The following RNF14 variants were observed in gnomAD, a reference collection of about 807,000 sequenced individuals.
RNF14 encodes E3 ubiquitin-protein ligase RNF14.
A neutral mutation model predicts 52.6 loss-of-function variants in RNF14; 26 were observed. The ratio of observed to expected loss-of-function variants is 0.49; its 90% CI spans 0.36 to 0.69. RNF14 has a LOEUF of 0.69. RNF14 is among the 30% of genes least tolerant of loss of function. The probability of loss-of-function intolerance (pLI) is 0.00; values close to 1 mark genes in which losing one functional copy is unlikely to be tolerated. For missense variants in RNF14, 404 were observed against 560.4 expected (o/e 0.72, Z 2.82); for synonymous variants, 194 against 202.0 (o/e 0.96, Z 0.34).
upstream of RNF14, chr5:141,955,893 C>G (rs951387602): frequency 1.9e-6 from 3 of 1,614,036 alleles, no homozygotes; most frequent in Non-Finnish European, 8.5e-7. The surrounding 1 kb of genome is among the most constrained non-coding windows in gnomAD (Gnocchi z 5.5). Flanking sequence ...ACAGCTGCCC[C>G]GTATGAGGGT....
At chr5:141,964,613 A>T (rs1265703908), upstream of RNF14, among the ~76,000 whole-genome samples, 3 of 151,582 alleles carry the variant, frequency 2.0e-5, no homozygotes, top group South Asian at 2.1e-4. Flanking sequence ...CTATTTTTTT[A>T]AATTTTGTTT....
In RNF14 at chr5:141,987,909, A is replaced by G. The variant is rs1596720759; in HGVS notation, c.*119A>G. ...CATTCACTCTTCCTGCGTAGAAGAT[A>G]TGGAAGAACGAGGTTTATATTTTCA... On this transcript the variant is annotated 3_prime_UTR_variant, in exon 9 of 9. Transcript: ENST00000394520. 3 of 900,610 alleles carry G rather than the reference A, an allele frequency of 3.3e-6. No homozygotes were observed. Among genetic ancestry groups the G allele is most frequent in the Middle Eastern group, 7.0e-4 (2 of 2,850 alleles). The allele number at this position is 900,610 out of a possible 1,614,324, so 55.8% of individuals were successfully genotyped here. A position where few individuals can be genotyped will look rare whatever the true frequency, so the allele number is the denominator to read the frequency against.
chr5:141,977,053 A>G (rs1240413945), intron 4 of RNF14, among the ~76,000 whole-genome samples: 1 of 152,198 alleles, frequency 6.6e-6, no homozygotes, highest in Non-Finnish European at 1.5e-5. Context: ...GGCCTCCCAG[A>G]GTTCTGGGAT....
intron 5 of RNF14, 86 bp from the exon 6 acceptor site, chr5:141,980,037 G>T (rs1187019862): frequency 3.8e-6 from 4 of 1,056,838 alleles, no homozygotes; most frequent in Non-Finnish European, 5.9e-6. Flanking sequence ...TGCCCATCTG[G>T]TTTACACTAG....
chr5:141,962,906 G>A (rs924910245), upstream of RNF14, among the ~76,000 whole-genome samples: 10 of 152,050 alleles, frequency 6.6e-5, no homozygotes, highest in African/African-American at 9.7e-5. Context: ...GGGTGATTCC[G>A]ACATGCATCC....
intron 1 of RNF14, among the ~76,000 whole-genome samples, chr5:141,960,326 T>C (rs1277264504): frequency 6.6e-6 from 1 of 151,786 alleles, no homozygotes; most frequent in Non-Finnish European, 1.5e-5. Context: ...GGCCTGGGGG[T>C]CCGGGAGGCT....
chr5:141,968,783 G>A (rs903893914), upstream of RNF14: 1 of 152,352 alleles, frequency 6.6e-6, no homozygotes, highest in African/African-American at 2.4e-5. Flanking sequence ...TAAACGGGAG[G>A]AAGTAGGCTT....
upstream of RNF14, among the ~76,000 whole-genome samples, chr5:141,962,819 C>T (rs1753285492): frequency 6.6e-6 from 1 of 152,172 alleles, no homozygotes; most frequent in South Asian, 2.1e-4. Flanking sequence ...AAGAGTTACA[C>T]ACACATGTCT....
chr5:141,983,461 G>C lies in RNF14; in HGVS notation c.1145G>C (p.Arg382Thr). Residue 382 changes from arginine (R) to threonine (T), a missense_variant, in exon 7 of 9, where the codon AGA (arginine) becomes ACA (threonine). Coordinates refer to ENST00000394520, the MANE Select transcript of RNF14 (RefSeq NM_004290.5). ...KRLLDQRYGK[R>T]VIQKALEEME... ...CTTTTGGATCAAAGGTATGGTAAGA[G>C]AGTGATTCAGAAGGCACTGGAAGAG... The C allele has an allele frequency of 1.9e-6, 3 of 1,613,810 alleles. No individual in the cohort carries two copies. Among genetic ancestry groups the C allele is most frequent in the Non-Finnish European group, 2.5e-6 (3 of 1,179,958 alleles).
intron 5 of RNF14, among the ~76,000 whole-genome samples, chr5:141,979,072 G>T (rs1217767969): frequency 3.9e-5 from 6 of 152,236 alleles, no homozygotes; most frequent in African/African-American, 1.4e-4. Context: ...AAGTAATTGT[G>T]ATAATTTACT....
chr5:141,956,071 G>A (rs1753177816), upstream of RNF14: 1 of 1,614,086 alleles, frequency 6.2e-7, no homozygotes, highest in African/African-American at 1.3e-5. Flanking sequence ...GCCATTGGGA[G>A]TCTCGATGGG....
At position 141,988,389 on chromosome 5, in the gene RNF14, TAATATA is replaced by T. The variant is rs943820587; in HGVS notation, c.*606_*611del. On this transcript the variant is annotated 3_prime_UTR_variant, in exon 9 of 9. Coordinates refer to ENST00000394520, the MANE Select transcript of RNF14 (RefSeq NM_004290.5). ...ATCTGCTTTTCAGAATGGAAATTTA[TAATATA>T]AATATATGTTTTAATACCACAAACA... The T allele has an allele frequency of 6.6e-6, 1 of 152,304 alleles. No individual in the cohort carries two copies. Among genetic ancestry groups the T allele is most frequent in the Non-Finnish European group, 1.5e-5 (1 of 68,096 alleles). The allele number at this position is 152,304 out of a possible 1,614,324, so 9.4% of individuals were successfully genotyped here.
At chr5:141,954,757 A>T (rs111305358), upstream of RNF14, among the ~76,000 whole-genome samples, 1,377 of 152,354 alleles carry the variant, frequency 9.0e-3, 23 homozygotes, top group African/African-American at 0.032. Context: ...TAAGACAACT[A>T]AGGCCCAGAG....
the RNF14 span, among the ~76,000 whole-genome samples, chr5:141,951,913 A>G: frequency 2.0e-5 from 3 of 152,204 alleles, no homozygotes; most frequent in African/African-American, 7.2e-5. Context: ...GCATTTCCTG[A>G]CCATCAATTT....
rs1412148970 is a variant in RNF14, at chr5:141,978,713, G to T, written c.717G>T (p.Arg239Ser). ...AATGCATGTACTTCTTGGAGTGCAGGCATGTGTACTGCAAAGCCTGTCTGA... is the reference window on the plus strand; with the variant it reads ...AATGCATGTACTTCTTGGAGTGCAGTCATGTGTACTGCAAAGCCTGTCTGA... The part of the protein sequence containing the change: ...GSECMYFLEC[R>S]HVYCKACLKD... Residue 239 changes from arginine to serine, a missense_variant, in exon 5 of 9, where the codon AGG (arginine) becomes AGT (serine). Physicochemically the swap from Arg to Ser is moderately radical, Grantham distance 110. Transcript: ENST00000394520. 7 of 1,613,984 alleles carry T rather than the reference G, an allele frequency of 4.3e-6. No homozygotes were observed. Among genetic ancestry groups the T allele is most frequent in the Non-Finnish European group, 5.9e-6 (7 of 1,179,860 alleles).
upstream of RNF14, chr5:141,957,766 G>A (rs201456518): frequency 4.3e-6 from 7 of 1,611,182 alleles, no homozygotes; most frequent in East Asian, 2.2e-5. The surrounding 1 kb of genome is among the most constrained non-coding windows in gnomAD (Gnocchi z 4.3). Context: ...CACCGTGAGA[G>A]TGGTCACCTC....
At chr5:141,953,251 A>C in the RNF14 span, 1 of 152,224 alleles carries the variant, frequency 6.6e-6, no homozygotes, top group Non-Finnish European at 1.5e-5. Context: ...GAATTACTTA[A>C]GCATTCTGAG....
At chr5:141,950,085 T>C in the RNF14 span, among the ~76,000 whole-genome samples, 1 of 152,176 alleles carries the variant, frequency 6.6e-6, no homozygotes, top group South Asian at 2.1e-4. Context: ...CAGTGGGTGC[T>C]GAATGAGTGA....
chr5:141,969,304 C>T (rs1246816638), intron 1 of RNF14, 137 bp downstream of exon 1: 1 of 152,572 alleles, frequency 6.6e-6, no homozygotes, highest in Non-Finnish European at 1.5e-5. Context: ...TACACTGGGC[C>T]TCAGTCCCTC....
Sources: gnomAD v4.1 joint callset for allele counts (sites outside exome capture counted in the v4.1 genomes callset) on GRCh38, gnomAD v4.1.1 for gene constraint, Gnocchi (gnomAD v3.1) non-coding constraint, MANE v1.5 for transcripts, NCBI Gene and HGNC (gene_info 2026-07-23, HGNC 2026-07-21) for gene names.